The following MYO3B variants were observed in gnomAD, a reference collection of about 807,000 sequenced individuals.
The protein encoded by MYO3B is myosin-IIIb.
MYO3B carries 156 observed loss-of-function variants against 174.6 expected under a neutral mutation model. That is an observed-to-expected ratio of 0.89 (90% confidence interval 0.78 to 1.02). The LOEUF is 1.02. Ranked by LOEUF, MYO3B falls within the 50% of genes least tolerant of loss-of-function variation. The pLI is 0.00. For synonymous variants in MYO3B, 563 were observed against 569.1 expected (o/e 0.99, Z 0.15); for missense variants, 1,632 against 1,639.4 (o/e 1.00, Z 0.08).
intron 3 of MYO3B, among the ~76,000 whole-genome samples, chr2:170,209,808 C>T (rs1242701767): frequency 6.6e-6 from 1 of 152,124 alleles, no homozygotes; most frequent in Admixed American, 6.5e-5. Context: ...TTAAAAATCC[C>T]ATACAATTTT....
At chr2:170,585,822 C>T (rs1176020919) in intron 32 of MYO3B, among the ~76,000 whole-genome samples, 7 of 152,140 alleles carry the variant, frequency 4.6e-5, no homozygotes, top group African/African-American at 1.7e-4. Flanking sequence ...GAGGCTGAGG[C>T]GGGTGGATCA....
At chr2:170,555,600 G>A (rs1355766383) in intron 32 of MYO3B, among the ~76,000 whole-genome samples, 1 of 152,088 alleles carries the variant, frequency 6.6e-6, no homozygotes, top group Non-Finnish European at 1.5e-5. Context: ...GGCCAGGTGT[G>A]GTGGTTTACA....
intron 22 of MYO3B, among the ~76,000 whole-genome samples, chr2:170,425,312 T>C (rs145713790): frequency 1.3e-5 from 2 of 152,216 alleles, no homozygotes; most frequent in Non-Finnish European, 2.9e-5. Context: ...ATCATTTTGC[T>C]TTGGTGCCAA....
chr2:170,200,294 T>C lies in MYO3B; in HGVS notation c.321+10T>C. 6.2e-7 allele frequency: 1 copy of C among 1,606,804 alleles called. No homozygotes were observed. Among genetic ancestry groups the C allele is most frequent in the South Asian group, 1.1e-5 (1 of 89,648 alleles). Reference sequence around the variant, plus strand: ...GTGGCTGGTCCTGGAGGTAAGAGGCTCCCATTGGGTAACCAGTGATTTGAA... The same window carrying C: ...GTGGCTGGTCCTGGAGGTAAGAGGCCCCCATTGGGTAACCAGTGATTTGAA... On this transcript the variant is annotated intron_variant, in intron 3 of 34. Transcript: ENST00000408978.
At chr2:170,591,998 A>G (rs1288774315) in intron 32 of MYO3B, among the ~76,000 whole-genome samples, 1 of 152,206 alleles carries the variant, frequency 6.6e-6, no homozygotes, top group East Asian at 1.9e-4. Flanking sequence ...TCTTATACAC[A>G]TTATCTTATT....
At chr2:170,187,605 T>C (rs10178241) in intron 1 of MYO3B, among the ~76,000 whole-genome samples, 8,307 of 152,260 alleles carry the variant, frequency 0.055, 555 homozygotes, top group East Asian at 0.3. Flanking sequence ...TAGGCACTTA[T>C]AGCTATAACC....
chr2:170,387,391 T>G, intron 14 of MYO3B, 83 bp downstream of exon 14: 5 of 1,294,974 alleles, frequency 3.9e-6, no homozygotes, highest in Non-Finnish European at 5.5e-6. Context: ...TCAGTTTTCA[T>G]TCTTGTTCTT....
intron 23 of MYO3B, 109 bp from the exon 24 acceptor site, chr2:170,463,259 C>T (rs1006608685): frequency 1.2e-6 from 1 of 802,408 alleles, no homozygotes; most frequent in African/African-American, 1.7e-5. Flanking sequence ...GTCCTAAATA[C>T]CATGGCCCCT....
chr2:170,431,814 C>T (rs2094711361), intron 22 of MYO3B, among the ~76,000 whole-genome samples: 1 of 152,192 alleles, frequency 6.6e-6, no homozygotes. Flanking sequence ...TCCTTCCCTC[C>T]ACAAAACTAC....
intron 32 of MYO3B, among the ~76,000 whole-genome samples, chr2:170,623,458 C>A (rs564069988): frequency 9.2e-5 from 14 of 152,092 alleles, no homozygotes; most frequent in East Asian, 1.9e-4. Context: ...AGTTCTTTGT[C>A]GATTCTGGAT....
chr2:170,466,372 A>G (rs934215153), intron 24 of MYO3B, 134 bp from the exon 25 acceptor site: 1 of 755,754 alleles, frequency 1.3e-6, no homozygotes, highest in Non-Finnish European at 2.2e-6. Flanking sequence ...ATTATCTCCT[A>G]TTGCTGATTT....
chr2:170,541,372 A>G (rs371162052), intron 30 of MYO3B, among the ~76,000 whole-genome samples: 2 of 152,158 alleles, frequency 1.3e-5, no homozygotes, highest in South Asian at 2.1e-4. Flanking sequence ...AAGGGTATAG[A>G]ATATATTATG....
intron 22 of MYO3B, among the ~76,000 whole-genome samples, chr2:170,442,818 C>T (rs2094811680): frequency 1.3e-5 from 2 of 152,316 alleles, no homozygotes; most frequent in African/African-American, 2.4e-5. Context: ...CATGTCACTA[C>T]AAAGGACATG....
intron 27 of MYO3B, 78 bp downstream of exon 27, chr2:170,499,886 T>TTTTCTAAGTGGTTTCC: frequency 7.1e-7 from 1 of 1,409,502 alleles, no homozygotes; most frequent in East Asian, 2.3e-5. Context: ...CAACTGTTTC[T>TTTTCTAAGTGGTTTCC]CTTCTAAGTG....
chr2:170,485,070 T>A (rs1324428300), intron 25 of MYO3B, among the ~76,000 whole-genome samples: 1 of 152,126 alleles, frequency 6.6e-6, no homozygotes, highest in East Asian at 1.9e-4. Flanking sequence ...TATTTTAAAA[T>A]GGGAAAAGCG....
At chr2:170,183,521 T>G (rs1305977114) in intron 1 of MYO3B, among the ~76,000 whole-genome samples, 1 of 152,202 alleles carries the variant, frequency 6.6e-6, no homozygotes, top group East Asian at 1.9e-4. Context: ...AAATATATTT[T>G]GAAATTGCTT....
chr2:170,365,459 G>A (rs574476267), intron 8 of MYO3B, among the ~76,000 whole-genome samples: 1 of 152,204 alleles, frequency 6.6e-6, no homozygotes, highest in South Asian at 2.1e-4. Context: ...TATGTATTGT[G>A]GCTAGTTCTA....
intron 1 of MYO3B, among the ~76,000 whole-genome samples, chr2:170,190,094 TCATATAGGTAC>T (rs2096616520): frequency 6.6e-6 from 1 of 152,192 alleles, no homozygotes; most frequent in Admixed American, 6.5e-5. Flanking sequence ...TCTTGCAGAC[TCATATAGGTAC>T]CACCATGGTG....
chr2:170,562,703 T>G (rs1280739242), intron 32 of MYO3B, among the ~76,000 whole-genome samples: 1 of 152,230 alleles, frequency 6.6e-6, no homozygotes. Flanking sequence ...TTCTGCCTCC[T>G]GTAAAATGAT....
Sources: gnomAD v4.1 joint callset for allele counts (sites outside exome capture counted in the v4.1 genomes callset) on GRCh38, gnomAD v4.1.1 for gene constraint, MANE v1.5 for transcripts, NCBI Gene and HGNC (gene_info 2026-07-23, HGNC 2026-07-21) for gene names.